The following APP variants were observed in gnomAD, a reference collection of about 807,000 sequenced individuals.
The protein encoded by APP is amyloid beta precursor protein, also known as amyloid-beta precursor protein.
Under a neutral mutation model 101.4 loss-of-function variants are expected in APP, and 31 were observed. That is an observed-to-expected ratio of 0.31 (90% CI 0.23 to 0.41). The LOEUF is 0.41. Ranked by LOEUF, APP falls within the 10% of genes least tolerant of loss-of-function variation. APP has a pLI of 1.00. For synonymous variants in APP, 366 were observed against 364.4 expected (o/e 1.00, Z -0.05); for missense variants, 839 against 1,003.7 (o/e 0.84, Z 2.22).
intron 1 of APP, among the ~76,000 whole-genome samples, chr21:26,146,532 G>C (rs1307179969): frequency 6.6e-6 from 1 of 152,058 alleles, no homozygotes; most frequent in Non-Finnish European, 1.5e-5. Flanking sequence ...GTCTAATAGA[G>C]ATTCTGTTAG....
chr21:26,170,769 A>G lies in APP; in HGVS notation c.-149T>C. The G allele has an allele frequency of 1.2e-6, 1 of 834,112 alleles. No individual in the cohort carries two copies. The highest frequency in any genetic ancestry group is 2.2e-5 in the South Asian group (1 of 46,146). The allele number at this position is 834,112 out of a possible 1,614,324, so 51.7% of individuals were successfully genotyped here. On this transcript the variant is annotated 5_prime_UTR_variant, in exon 1 of 18. Transcript: ENST00000346798. The stretch of plus-strand genomic sequence containing the variant: ...TCGCCTACCGCTGCCGAGGAAACTG[A>G]CGGAGCCCGAGCGCGGCGGCGGGGC...
chr21:26,159,717 T>A (rs1172514299), intron 1 of APP, among the ~76,000 whole-genome samples: 1 of 152,218 alleles, frequency 6.6e-6, no homozygotes, highest in Non-Finnish European at 1.5e-5. Flanking sequence ...AAGACACTAA[T>A]ATTTTTTTCT....
chr21:26,083,219 T>C (rs2061632712), intron 3 of APP, among the ~76,000 whole-genome samples: 1 of 152,166 alleles, frequency 6.6e-6, no homozygotes, highest in South Asian at 2.1e-4. Context: ...TAAACACAAA[T>C]TTATCTACCA....
At chr21:26,120,825 A>G (rs1223616789) in intron 1 of APP, among the ~76,000 whole-genome samples, 1 of 152,214 alleles carries the variant, frequency 6.6e-6, no homozygotes, top group East Asian at 1.9e-4. Flanking sequence ...CTCATACCTC[A>G]CATGTGGCTA....
intron 1 of APP, among the ~76,000 whole-genome samples, chr21:26,166,433 C>T (rs1276991760): frequency 6.6e-6 from 1 of 152,080 alleles, no homozygotes; most frequent in Non-Finnish European, 1.5e-5. Flanking sequence ...TGCATCTGAG[C>T]TCTCACTATG....
chr21:26,129,026 C>T (rs948696995), intron 1 of APP, among the ~76,000 whole-genome samples: 2 of 152,178 alleles, frequency 1.3e-5, no homozygotes, highest in African/African-American at 4.8e-5. Flanking sequence ...AAAATAATTA[C>T]ATGACATGAA....
At chr21:26,049,849 T>C (rs2045764737) in intron 5 of APP, among the ~76,000 whole-genome samples, 1 of 152,140 alleles carries the variant, frequency 6.6e-6, no homozygotes, top group Admixed American at 6.5e-5. Flanking sequence ...CAGAGAGGAA[T>C]ATCAAAGCTA....
intron 2 of APP, among the ~76,000 whole-genome samples, chr21:26,102,152 G>A (rs908627911): frequency 7.1e-6 from 1 of 140,844 alleles, no homozygotes; most frequent in African/African-American, 2.7e-5. Context: ...GCAGCGGCGC[G>A]ATCTCGGCTC....
intron 12 of APP, among the ~76,000 whole-genome samples, chr21:25,955,059 C>T (rs2041256558): frequency 4.9e-3 from 1 of 206 alleles, no homozygotes; most frequent in Admixed American, 0.05. Context: ...TTAACAGGAC[C>T]CTCATGCCTA....
intron 6 of APP, among the ~76,000 whole-genome samples, chr21:26,004,025 A>T (rs1392540663): frequency 6.6e-6 from 1 of 152,230 alleles, no homozygotes; most frequent in South Asian, 2.1e-4. Context: ...CATGTAGTAG[A>T]AAAGAGAATC....
At chr21:25,882,802 T>C (rs187207241) in intron 17 of APP, among the ~76,000 whole-genome samples, 73 of 152,324 alleles carry the variant, frequency 4.8e-4, no homozygotes, top group Admixed American at 2.0e-3. Context: ...AGTTTGGATG[T>C]ACCATAGAGA....
intron 2 of APP, among the ~76,000 whole-genome samples, chr21:26,101,651 C>G (rs2062060760): frequency 6.6e-6 from 1 of 152,106 alleles, no homozygotes. Context: ...GATGATCTCC[C>G]ACAATGCTTT....
chr21:26,049,165 G>A (rs1160757372), intron 5 of APP, among the ~76,000 whole-genome samples: 2 of 152,150 alleles, frequency 1.3e-5, no homozygotes, highest in Non-Finnish European at 2.9e-5. Context: ...GGAGGAGGGT[G>A]GATGAAGCCT....
chr21:25,988,182 G>C (rs1260082474), intron 8 of APP, among the ~76,000 whole-genome samples: 1 of 152,132 alleles, frequency 6.6e-6, no homozygotes, highest in Non-Finnish European at 1.5e-5. Context: ...GTTGAAGCTG[G>C]CTGGCAAATT....
chr21:26,018,311 A>G (rs543714974), intron 6 of APP, among the ~76,000 whole-genome samples: 1 of 152,340 alleles, frequency 6.6e-6, no homozygotes, highest in East Asian at 1.9e-4. Flanking sequence ...TAACACTGAA[A>G]ACAAGATTGT....
At chr21:26,162,007 A>G (rs1288075550) in intron 1 of APP, among the ~76,000 whole-genome samples, 1 of 152,204 alleles carries the variant, frequency 6.6e-6, no homozygotes, top group African/African-American at 2.4e-5. Context: ...TCAATTATAA[A>G]CAAAATAACT....
intron 5 of APP, among the ~76,000 whole-genome samples, chr21:26,029,618 G>C (rs1443255272): frequency 6.6e-6 from 1 of 152,060 alleles, no homozygotes; most frequent in East Asian, 1.9e-4. Context: ...ACAGGAGGGA[G>C]GGAAACCTGA....
intron 1 of APP, among the ~76,000 whole-genome samples, chr21:26,118,704 C>T (rs2062492895): frequency 6.6e-6 from 1 of 152,076 alleles, no homozygotes; most frequent in African/African-American, 2.4e-5. Flanking sequence ...AGGCGTGCAC[C>T]ACTACGCCTG....
chr21:26,092,320 G>A (rs1283423245), intron 2 of APP, among the ~76,000 whole-genome samples: 1 of 152,066 alleles, frequency 6.6e-6, no homozygotes, highest in African/African-American at 2.4e-5. Context: ...CCTAGAAAAT[G>A]GAATGTCATT....
Sources: allele counts gnomAD v4.1 joint callset (sites outside exome capture counted in the v4.1 genomes callset), GRCh38; gene constraint gnomAD v4.1.1; transcripts MANE v1.5; gene names NCBI Gene and HGNC (gene_info 2026-07-23, HGNC 2026-07-21).